WDR11: variants seen among roughly 807,000 people sequenced by gnomAD.
The protein encoded by WDR11 is WD repeat-containing protein 11.
WDR11 carries 83 observed loss-of-function variants against 151.2 expected under a neutral mutation model. The ratio of observed to expected loss-of-function variants is 0.55; its 90% CI spans 0.46 to 0.66. The LOEUF (loss-of-function observed/expected upper bound fraction) is 0.66. WDR11 is among the 30% of genes least tolerant of loss of function. WDR11 has a pLI of 0.00. For synonymous variants in WDR11, 484 were observed against 533.1 expected (o/e 0.91, Z 1.27); for missense variants, 1,301 against 1,480.9 (o/e 0.88, Z 1.99).
chr10:120,892,662 G>C (rs1456421553), intron 19 of WDR11, among the ~76,000 whole-genome samples: 3 of 152,154 alleles, frequency 2.0e-5, no homozygotes, highest in Non-Finnish European at 4.4e-5. Context: ...AATTCTCCTT[G>C]AAAACAAGTA....
At chr10:120,871,097 G>A (rs1255344349) in intron 9 of WDR11, 73 bp from the exon 10 acceptor site, 3 of 1,507,000 alleles carry the variant, frequency 2.0e-6, no homozygotes, top group Non-Finnish European at 2.7e-6. Flanking sequence ...CATTTCTACT[G>A]AAAATTTTCT....
chr10:120,888,308 A>G (rs978383761), intron 16 of WDR11, among the ~76,000 whole-genome samples: 3 of 152,216 alleles, frequency 2.0e-5, no homozygotes, highest in African/African-American at 7.2e-5. Flanking sequence ...TTTATGGACA[A>G]TAAATCCAAG....
At chr10:120,891,381 G>C (rs952628783) in intron 19 of WDR11, among the ~76,000 whole-genome samples, 7 of 151,980 alleles carry the variant, frequency 4.6e-5, no homozygotes, top group Admixed American at 4.6e-4. Flanking sequence ...GCAGTATCTT[G>C]CTCTGTTTTG....
chr10:120,854,154 C>T (rs74158327), intron 2 of WDR11, among the ~76,000 whole-genome samples: 4,026 of 152,226 alleles, frequency 0.026, 210 homozygotes, highest in African/African-American at 0.093. Flanking sequence ...AAAAAGAAAC[C>T]CTATATCCAC....
chr10:120,867,321 G>C (rs1590067132), intron 9 of WDR11, 152 bp downstream of exon 9: 1 of 687,120 alleles, frequency 1.5e-6, no homozygotes, highest in South Asian at 1.7e-5. Context: ...TAAATCAGAG[G>C]GGTTTAAAAT....
intron 13 of WDR11, among the ~76,000 whole-genome samples, chr10:120,881,355 A>G (rs935135635): frequency 1.3e-5 from 2 of 152,174 alleles, no homozygotes; most frequent in Admixed American, 6.5e-5. Flanking sequence ...TAGTTTTCAA[A>G]CTTGTTTTGG....
At chr10:120,874,882 TG>T (rs1846707616) in intron 11 of WDR11, among the ~76,000 whole-genome samples, 1 of 152,016 alleles carries the variant, frequency 6.6e-6, no homozygotes, top group Non-Finnish European at 1.5e-5. Flanking sequence ...TGTGCCTTGG[TG>T]GTTTGCTGCA....
At chr10:120,862,448 A>C in intron 4 of WDR11, 1 of 271,692 alleles carries the variant, frequency 3.7e-6, no homozygotes, top group Non-Finnish European at 6.9e-6. Context: ...CGTGCCCTGA[A>C]TTTATTTAGA....
At position 120,851,399 on chromosome 10, in the gene WDR11, A is replaced by G; in HGVS notation, c.-22A>G. 3 of 1,602,106 alleles carry G rather than the reference A, an allele frequency of 1.9e-6. No individual in the cohort carries two copies. The highest frequency in any genetic ancestry group is 2.3e-5 in the South Asian group (2 of 88,796). On this transcript the variant is annotated 5_prime_UTR_variant, in exon 1 of 29. Transcript: ENST00000263461. ...GCTTCCTGGTTGCGGGTCAGCGCCCAGGTCCTGGGCTGGCCGCCGGGATGT... is the reference window on the plus strand; with the variant it reads ...GCTTCCTGGTTGCGGGTCAGCGCCCGGGTCCTGGGCTGGCCGCCGGGATGT...
rs930622668 is a variant in WDR11, at chr10:120,866,562, T to G, written c.995-7T>G. 2 of 1,614,154 alleles carry G rather than the reference T, an allele frequency of 1.2e-6. No individual in the cohort carries two copies. The highest frequency in any genetic ancestry group is 1.7e-6 in the Non-Finnish European group (2 of 1,180,012). Reference sequence around the variant, plus strand: ...CTTTCTGATATTTAAAACAATTTTATGTGAAGATCCAGATCCAGTTCAGGA... The same window carrying G: ...CTTTCTGATATTTAAAACAATTTTAGGTGAAGATCCAGATCCAGTTCAGGA... On this transcript the variant is annotated splice_polypyrimidine_tract_variant and splice_region_variant and intron_variant, in intron 7 of 28. Transcript: ENST00000263461.
chr10:120,905,724 T>C lies in WDR11; in HGVS notation c.3292-152T>C, dbSNP rs900917686. 6.1e-5 allele frequency: 83 copies of C among 1,362,384 alleles called. 1 individual carries two copies. Among genetic ancestry groups the C allele is most frequent in the Non-Finnish European group, 1.4e-5 (14 of 978,214 alleles). 84.4% of individuals were successfully genotyped at this position (1,362,384 alleles called of 1,614,324 possible). A position where few individuals can be genotyped will look rare whatever the true frequency, so the allele number is the denominator to read the frequency against. ...TCCCGTAGGCACAGACCGTTATCAT[T>C]ATTCAGAGTATGCAGCAGCTTCAGG... On this transcript the variant is annotated intron_variant, in intron 26 of 28. Transcript: ENST00000263461.
At chr10:120,900,174 C>T (rs766409193) in intron 20 of WDR11, 37 bp downstream of exon 20, 17 of 1,562,174 alleles carry the variant, frequency 1.1e-5, no homozygotes, top group South Asian at 1.1e-5. Flanking sequence ...TCATAATTTA[C>T]TTGGGGTTGA....
intron 19 of WDR11, among the ~76,000 whole-genome samples, chr10:120,897,398 C>T (rs919567048): frequency 6.6e-6 from 1 of 152,108 alleles, no homozygotes; most frequent in African/African-American, 2.4e-5. Context: ...TTCAATCTGA[C>T]AATATTTCCT....
At chr10:120,881,795 C>T (rs1356567543) in intron 13 of WDR11, among the ~76,000 whole-genome samples, 2 of 152,014 alleles carry the variant, frequency 1.3e-5, no homozygotes, top group African/African-American at 4.8e-5. Context: ...GAGACAGTCT[C>T]GTTTGCTAGT....
At chr10:120,869,396 A>C (rs140322279) in intron 9 of WDR11, among the ~76,000 whole-genome samples, 292 of 152,170 alleles carry the variant, frequency 1.9e-3, no homozygotes, top group Middle Eastern at 0.014. Context: ...TACAGGCGTG[A>C]GCCACCGCGC....
At chr10:120,887,961 A>G (rs545787903) in intron 16 of WDR11, among the ~76,000 whole-genome samples, 4 of 152,102 alleles carry the variant, frequency 2.6e-5, no homozygotes, top group African/African-American at 7.2e-5. Flanking sequence ...GGACTTTATT[A>G]TAATATTGAT....
chr10:120,905,780 G>GTATT, intron 26 of WDR11, 96 bp from the exon 27 acceptor site: 1 of 1,606,872 alleles, frequency 6.2e-7, no homozygotes, highest in South Asian at 1.1e-5. Context: ...AGCATAGCCT[G>GTATT]TATTTCATAG....
chr10:120,903,263 A>G (rs1847898692), intron 23 of WDR11, 31 bp downstream of exon 23: 3 of 1,611,902 alleles, frequency 1.9e-6, no homozygotes, highest in African/African-American at 1.3e-5. Flanking sequence ...AAACCTTTAG[A>G]GCTGTCATCT....
intron 4 of WDR11, 29 bp downstream of exon 4, chr10:120,860,311 G>A (rs1178151149): frequency 6.2e-7 from 1 of 1,605,766 alleles, no homozygotes; most frequent in Non-Finnish European, 8.5e-7. Flanking sequence ...TGGAAAATGA[G>A]TTAAGTGAGA....
Sources: gnomAD v4.1 joint callset for allele counts (sites outside exome capture counted in the v4.1 genomes callset) on GRCh38, gnomAD v4.1.1 for gene constraint, MANE v1.5 for transcripts, NCBI Gene and HGNC (gene_info 2026-07-23, HGNC 2026-07-21) for gene names.